ABCB8: variants seen among roughly 807,000 people sequenced by gnomAD.
The protein encoded by ABCB8 is mitochondrial potassium channel ATP-binding subunit.
In ABCB8, 52 loss-of-function variants were observed where a neutral mutation model predicts 73.0. The ratio of observed to expected loss-of-function variants is 0.71; its 90% CI spans 0.57 to 0.90. The LOEUF (loss-of-function observed/expected upper bound fraction) is 0.90, where lower values mean the gene tolerates loss of function less well. ABCB8 is among the 40% of genes least tolerant of loss of function. The probability of loss-of-function intolerance (pLI) is 0.00; values close to 1 mark genes in which losing one functional copy is unlikely to be tolerated. For synonymous variants in ABCB8, 428 were observed against 423.5 expected, an observed-to-expected ratio of 1.01 and a Z score of -0.13; for missense variants, 909 against 974.6, an observed-to-expected ratio of 0.93 and a Z score of 0.90.
Position 151,037,362 on chromosome 7 carries a change from G to A in ABCB8, c.1217+713G>A, listed in dbSNP as rs1361665583. The A allele has an allele frequency of 4.3e-6, 3 of 701,684 alleles. No homozygotes were observed. In the African/African-American group the frequency reaches 5.2e-5, roughly 12 times the overall value. 43.5% of individuals were successfully genotyped at this position (701,684 alleles called of 1,614,324 possible). ...CCTTCCCCATGCCTGCCACTTCCAG[G>A]GATGACAAGCTGACCCCTGTCCCCA... On this transcript the variant is annotated intron_variant, in intron 9 of 15. Coordinates refer to ENST00000358849, the MANE Select transcript of ABCB8 (RefSeq NM_007188.5).
At chr7:151,034,957 G>A in intron 5 of ABCB8, 128 bp downstream of exon 5, 1 of 762,204 alleles carries the variant, frequency 1.3e-6, no homozygotes, top group Non-Finnish European at 2.1e-6. Context: ...GAAACCCACT[G>A]CCTGTGAGGG....
At position 151,034,518 on chromosome 7, in the gene ABCB8, T is replaced by G. The variant is rs1429101408; in HGVS notation, c.578T>G (p.Phe193Cys). The change falls in exon 4 of 16, where the codon TTC (phenylalanine) becomes TGC (cysteine). Residue 193 changes from phenylalanine to cysteine, a missense_variant. Transcript: ENST00000358849. ...GCTCTTTCGCAGGGACTGCTGACCT[T>G]CGGGTACCTGGTGCTGCTGTCCCAC... The part of the protein sequence containing the change: ...ILYGVQGLLT[F>C]GYLVLLSHVG... The G allele has an allele frequency of 6.2e-7, 1 of 1,613,386 alleles. No individual in the cohort carries two copies. The highest frequency in any genetic ancestry group is 8.5e-7 in the Non-Finnish European group (1 of 1,180,016).
In ABCB8 at chr7:151,044,141, G is replaced by A. The variant is rs1723090762; in HGVS notation, c.1936G>A (p.Val646Met). The A allele has an allele frequency of 6.2e-7, 1 of 1,613,870 alleles. No individual in the cohort carries two copies. Among genetic ancestry groups the A allele is most frequent in the African/African-American group, 1.3e-5 (1 of 74,942 alleles). Reference sequence around the variant, plus strand: ...GGACCGGGCCAGTGCAGGCCGCACGGTGCTGGTAATTGCCCACCGGCTCAG... The same window carrying A: ...GGACCGGGCCAGTGCAGGCCGCACGATGCTGGTAATTGCCCACCGGCTCAG... ...ALDRASAGRTVLVIAHRLSTV... is the reference protein window; with the variant it reads ...ALDRASAGRTMLVIAHRLSTV... The change falls in exon 15 of 16, where the codon GTG (valine) becomes ATG (methionine). Residue 646 changes from valine to methionine, a missense_variant. Val to Met is a conservative substitution (Grantham distance 21). Coordinates refer to ENST00000358849, the MANE Select transcript of ABCB8 (RefSeq NM_007188.5).
At chr7:151,043,827 G>C in intron 14 of ABCB8, 144 bp from the exon 15 acceptor site, 2 of 1,170,884 alleles carry the variant, frequency 1.7e-6, no homozygotes, top group Non-Finnish European at 2.4e-6. Flanking sequence ...TGCGGGGTGG[G>C]GGTCAGAGGC....
rs1796073947 is a variant in ABCB8, at chr7:151,029,276, CG to C, written c.95+669del. 2.0e-5 allele frequency among the ~76,000 whole-genome samples: 3 copies of C among 148,782 alleles called. No individual in the cohort carries two copies. In the East Asian group the frequency reaches 6.1e-4, roughly 30 times the overall value. ...AGATCATGGCCACTGCACTCCAGCC[CG>C]GGTGATAGAGTGAGACTCTGCCTCA... On this transcript the variant is annotated intron_variant, in intron 1 of 15. Transcript: ENST00000358849.
chr7:151,044,390 AGCCCTG>A (rs1406934677), intron 15 of ABCB8, among the ~76,000 whole-genome samples, 169 bp downstream of exon 15: 1 of 152,190 alleles, frequency 6.6e-6, no homozygotes, highest in African/African-American at 2.4e-5. Context: ...CATTCAGCCA[AGCCCTG>A]GCCTCTCAGG....
intron 9 of ABCB8, chr7:151,037,131 C>T (rs758751662): frequency 2.8e-6 from 2 of 702,610 alleles, no homozygotes; most frequent in South Asian, 3.0e-5. Flanking sequence ...CTGGCACCCA[C>T]CATTCCACTT....
chr7:151,037,496 C>T (rs186586807), intron 9 of ABCB8: 4 of 605,524 alleles, frequency 6.6e-6, no homozygotes, highest in Non-Finnish European at 1.2e-5. Context: ...GGCGGGCCTC[C>T]CCCCTCCTAT....
At chr7:151,033,959 A>C in intron 2 of ABCB8, 42 bp downstream of exon 2, 3 of 1,526,956 alleles carry the variant, frequency 2.0e-6, no homozygotes, top group Non-Finnish European at 2.6e-6. Flanking sequence ...ACAGGGCAGG[A>C]CCCAGAGCTG....
At chr7:151,043,693 G>A (rs1796532983) in intron 14 of ABCB8, among the ~76,000 whole-genome samples, 1 of 142,362 alleles carries the variant, frequency 7.0e-6, no homozygotes, top group Non-Finnish European at 1.5e-5. Flanking sequence ...CAGGACGAGG[G>A]TGCACAGTGC....
rs747764610 is a variant in ABCB8 at position 151,034,281 on chromosome 7, G to A, written c.417G>A (p.Leu139=). 6.2e-7 allele frequency: 1 copy of A among 1,612,158 alleles called. No individual in the cohort carries two copies. The highest frequency in any genetic ancestry group is 1.7e-5 in the Admixed American group (1 of 59,900). The stretch of plus-strand genomic sequence containing the variant: ...CTGTCTCCCCATTCCAGCTGGCCTT[G>A]GGTGCGGCACTCGTGAATGTACAGA... ...LVLGVAVVLA[L]GAALVNVQIP... Residue 139 remains leucine (L), a synonymous_variant, in exon 3 of 16, where the codon TTG becomes TTA. Transcript: ENST00000358849.
At chr7:151,032,982 C>A in intron 1 of ABCB8, 1 of 456,394 alleles carries the variant, frequency 2.2e-6, no homozygotes, top group South Asian at 1.5e-5. Context: ...AGACTTGGTT[C>A]CCTGCTCGTC....
At position 151,045,490 on chromosome 7, in the gene ABCB8, C is replaced by G. The variant is rs1193695454; in HGVS notation, c.*141C>G. The G allele has an allele frequency of 1.7e-5, 19 of 1,130,870 alleles. No homozygotes were observed. The highest frequency in any genetic ancestry group is 2.2e-5 in the Non-Finnish European group (19 of 872,448). 70.1% of individuals were successfully genotyped at this position (1,130,870 alleles called of 1,614,324 possible). The stretch of plus-strand genomic sequence containing the variant: ...GCGGCTGCTCCTGCTCACAATAAAG[C>G]CGGGGCCGAGCAGCTGGCAGGGGAG... On this transcript the variant is annotated 3_prime_UTR_variant, in exon 16 of 16. Transcript: ENST00000358849.
At chr7:151,033,432 A>T in intron 1 of ABCB8, 173 bp from the exon 2 acceptor site, 1 of 1,401,678 alleles carries the variant, frequency 7.1e-7, no homozygotes, top group Non-Finnish European at 9.3e-7. Context: ...TTGCCCATGG[A>T]CATGTCTTAG....
At chr7:151,039,139 A>C (rs1481732524) in intron 9 of ABCB8, 1 of 152,242 alleles carries the variant, frequency 6.6e-6, no homozygotes, top group Non-Finnish European at 1.5e-5. Context: ...GAGCAGGGTC[A>C]TCACACTCCA....
chr7:151,029,150 A>C, intron 1 of ABCB8: 1 of 377,668 alleles, frequency 2.6e-6, no homozygotes. Context: ...AAAATACAAA[A>C]ATTTGCCGTG....
chr7:151,028,500 G>A lies in ABCB8; in HGVS notation c.-16G>A, dbSNP rs1554442780. The A allele has an allele frequency of 1.9e-6, 3 of 1,610,238 alleles. No individual in the cohort carries two copies. The South Asian group carries it at 3.3e-5, about 18-fold the overall frequency. On this transcript the variant is annotated 5_prime_UTR_variant, in exon 1 of 16. Transcript: ENST00000358849. ...GAAACTGCTATTGCCGGCGGCTCCT[G>A]TTTTACCGCGTCAGCATGCTGGTGC...
At chr7:151,044,675 T>C (rs1338892423) in intron 15 of ABCB8, among the ~76,000 whole-genome samples, 1 of 152,116 alleles carries the variant, frequency 6.6e-6, no homozygotes, top group East Asian at 1.9e-4. Context: ...GCCCCAGAGG[T>C]TGAGGCTGCA....
Position 151,040,932 on chromosome 7 carries a change from G to A in ABCB8, c.1483+10G>A, listed in dbSNP as rs1326017962. The A allele has an allele frequency of 6.3e-7, 1 of 1,599,674 alleles. No homozygotes were observed. Among genetic ancestry groups the A allele is most frequent in the Non-Finnish European group, 8.5e-7 (1 of 1,172,928 alleles). ...GGCCAGTCTGGCGGAGGTAAGGGGA[G>A]CCCACCACCTCTTCACCCTCTGACT... On this transcript the variant is annotated intron_variant, in intron 12 of 15. Transcript: ENST00000358849.
Sources: allele counts gnomAD v4.1 joint callset (sites outside exome capture counted in the v4.1 genomes callset), GRCh38; gene constraint gnomAD v4.1.1; transcripts MANE v1.5; gene names NCBI Gene and HGNC (gene_info 2026-07-23, HGNC 2026-07-21).